FBXL7: variants seen among roughly 807,000 people sequenced by gnomAD.
The protein encoded by FBXL7 is F-box/LRR-repeat protein 7.
FBXL7 carries 12 observed loss-of-function variants against 38.3 expected under a neutral mutation model. That is an observed-to-expected ratio of 0.31 (90% CI 0.20 to 0.51). FBXL7 has a LOEUF of 0.51. Ranked by LOEUF, FBXL7 falls within the 20% of genes least tolerant of loss-of-function variation. The probability of loss-of-function intolerance (pLI) is 0.98; values close to 1 mark genes in which losing one functional copy is unlikely to be tolerated. For synonymous variants in FBXL7, 297 were observed against 300.9 expected (o/e 0.99, Z 0.13); for missense variants, 567 against 676.4 (o/e 0.84, Z 1.79).
intron 2 of FBXL7, among the ~76,000 whole-genome samples, chr5:15,701,664 A>T (rs1241896928): frequency 6.6e-6 from 1 of 152,350 alleles, no homozygotes; most frequent in East Asian, 1.9e-4. Context: ...TTGGAATGGA[A>T]TGTAATAGAA....
chr5:15,839,160 A>G (rs1290923850), intron 2 of FBXL7, among the ~76,000 whole-genome samples: 2 of 150,812 alleles, frequency 1.3e-5, no homozygotes, highest in East Asian at 3.9e-4. Context: ...TTTTTTGACT[A>G]TCATACAATT....
intron 2 of FBXL7, among the ~76,000 whole-genome samples, chr5:15,876,080 G>T (rs1740190539): frequency 6.6e-6 from 1 of 152,162 alleles, no homozygotes; most frequent in African/African-American, 2.4e-5. Context: ...CCATAAAACA[G>T]AATGAGTTCA....
chr5:15,709,040 G>A (rs987948399), intron 2 of FBXL7, among the ~76,000 whole-genome samples: 23 of 152,124 alleles, frequency 1.5e-4, no homozygotes, highest in African/African-American at 5.1e-4. Flanking sequence ...TCTGAACACC[G>A]TTTAGTTCCT....
intron 1 of FBXL7, among the ~76,000 whole-genome samples, chr5:15,527,504 T>G (rs1019716806): frequency 1.2e-4 from 19 of 152,348 alleles, no homozygotes; most frequent in South Asian, 4.1e-4. Flanking sequence ...TTTTAAAGAC[T>G]TGTGGCTTAT....
chr5:15,892,225 A>G (rs1740933322), intron 2 of FBXL7, among the ~76,000 whole-genome samples: 1 of 152,238 alleles, frequency 6.6e-6, no homozygotes, highest in South Asian at 2.1e-4. Flanking sequence ...GGAAGTGTGC[A>G]TGGCACATTC....
At chr5:15,814,243 A>G (rs1245337109) in intron 2 of FBXL7, among the ~76,000 whole-genome samples, 1 of 152,226 alleles carries the variant, frequency 6.6e-6, no homozygotes, top group Non-Finnish European at 1.5e-5. Context: ...AATACTATGC[A>G]GCCATAAAAA....
At chr5:15,593,195 T>G (rs1439217662) in intron 1 of FBXL7, among the ~76,000 whole-genome samples, 1 of 152,178 alleles carries the variant, frequency 6.6e-6, no homozygotes, top group African/African-American at 2.4e-5. Flanking sequence ...TCACTTCCTC[T>G]GGATTGTTTC....
intron 2 of FBXL7, among the ~76,000 whole-genome samples, chr5:15,736,933 T>C (rs1230312637): frequency 2.0e-5 from 3 of 152,176 alleles, no homozygotes; most frequent in Non-Finnish European, 4.4e-5. Flanking sequence ...TAACCCTCAC[T>C]GTATTCCAGA....
At chr5:15,552,051 C>T (rs1389144983) in intron 1 of FBXL7, among the ~76,000 whole-genome samples, 3 of 152,190 alleles carry the variant, frequency 2.0e-5, no homozygotes, top group Non-Finnish European at 4.4e-5. Flanking sequence ...TCTTTTCAGG[C>T]ACTCTGACAT....
intron 2 of FBXL7, 118 bp downstream of exon 2, chr5:15,616,190 T>C: frequency 1.7e-6 from 1 of 591,146 alleles, no homozygotes; most frequent in South Asian, 2.8e-5. Context: ...TATGAGATCT[T>C]AAAAATGAGG....
Position 15,500,832 on chromosome 5 carries a change from T to G in FBXL7, c.37+119T>G. ...CCGTGACGCACCCCATTTGGCACCC[T>G]GTCTGGGTCACCACCTTCTCCTTTG... On this transcript the variant is annotated intron_variant, in intron 1 of 3. Transcript: ENST00000504595. The G allele has an allele frequency of 2.4e-6, 3 of 1,240,970 alleles. No individual in the cohort carries two copies. In the South Asian group the frequency reaches 4.1e-5, roughly 17 times the overall value. The allele number at this position is 1,240,970 out of a possible 1,614,324, so 76.9% of individuals were successfully genotyped here.
intron 2 of FBXL7, among the ~76,000 whole-genome samples, chr5:15,662,863 C>A (rs950088715): frequency 6.6e-6 from 1 of 152,108 alleles, no homozygotes; most frequent in Non-Finnish European, 1.5e-5. Context: ...GTCTGTGTGT[C>A]TGTTTTTGCA....
chr5:15,551,317 G>A (rs1037729145), intron 1 of FBXL7, among the ~76,000 whole-genome samples: 3 of 152,206 alleles, frequency 2.0e-5, no homozygotes, highest in South Asian at 2.1e-4. Flanking sequence ...AGGCAGCAAC[G>A]TTTGAATAGT....
chr5:15,766,821 G>C (rs952424996), intron 2 of FBXL7, among the ~76,000 whole-genome samples: 1 of 152,126 alleles, frequency 6.6e-6, no homozygotes, highest in Non-Finnish European at 1.5e-5. Context: ...CTAATCATTA[G>C]ACTCTAATAA....
chr5:15,747,051 C>G (rs879767161), intron 2 of FBXL7, among the ~76,000 whole-genome samples: 2 of 152,066 alleles, frequency 1.3e-5, no homozygotes, highest in Non-Finnish European at 2.9e-5. Context: ...GTCACACCAA[C>G]CTGGGAATGA....
intron 2 of FBXL7, among the ~76,000 whole-genome samples, chr5:15,686,679 C>T (rs1227616284): frequency 6.6e-6 from 1 of 152,074 alleles, no homozygotes; most frequent in Admixed American, 6.5e-5. Flanking sequence ...ATATAATTTT[C>T]AATGTAATTT....
chr5:15,805,545 A>G (rs1400708223), intron 2 of FBXL7, among the ~76,000 whole-genome samples: 1 of 152,174 alleles, frequency 6.6e-6, no homozygotes, highest in African/African-American at 2.4e-5. Context: ...CTGTGGATGC[A>G]TATAATGATA....
chr5:15,641,792 T>C (rs887560448), intron 2 of FBXL7, among the ~76,000 whole-genome samples: 4 of 152,214 alleles, frequency 2.6e-5, no homozygotes, highest in African/African-American at 9.6e-5. Flanking sequence ...GTCTTTGAAG[T>C]TGGCCTTGAA....
intron 2 of FBXL7, among the ~76,000 whole-genome samples, chr5:15,670,674 G>A (rs1168261706): frequency 2.0e-5 from 3 of 152,110 alleles, no homozygotes; most frequent in Admixed American, 6.6e-5. Flanking sequence ...AATGGCATGT[G>A]CCTGTATTCC....
Sources: allele counts gnomAD v4.1 joint callset (sites outside exome capture counted in the v4.1 genomes callset), GRCh38; gene constraint gnomAD v4.1.1; transcripts MANE v1.5; gene names NCBI Gene and HGNC (gene_info 2026-07-23, HGNC 2026-07-21).